DCLK3: variants seen among roughly 807,000 people sequenced by gnomAD.
DCLK3 encodes serine/threonine-protein kinase DCLK3.
DCLK3 carries 30 observed loss-of-function variants against 46.4 expected under a neutral mutation model. That is an observed-to-expected ratio of 0.65 (90% CI 0.48 to 0.88). The LOEUF is 0.88. DCLK3 is among the 40% of genes least tolerant of loss of function. The pLI is 0.00. For synonymous variants in DCLK3, 401 were observed against 339.2 expected (o/e 1.18, Z -2.00); for missense variants, 846 against 907.1 (o/e 0.93, Z 0.87).
intron 2 of DCLK3, among the ~76,000 whole-genome samples, chr3:36,731,875 G>T (rs572003113): frequency 5.3e-5 from 8 of 152,248 alleles, no homozygotes; most frequent in African/African-American, 1.9e-4. Context: ...GAGGGTTTCT[G>T]TTGCAATTAG....
In DCLK3 at chr3:36,738,121, G is replaced by A. The variant is rs2125530805; in HGVS notation, c.1046C>T (p.Thr349Ile). 5 of 1,613,834 alleles carry A rather than the reference G, an allele frequency of 3.1e-6. No individual in the cohort carries two copies. The highest frequency in any genetic ancestry group is 4.5e-5 in the East Asian group (2 of 44,876). The change falls in exon 2 of 5, where the codon ACC becomes ATC. Residue 349 changes from threonine to isoleucine, a missense_variant. Physicochemically the swap from Thr to Ile is moderately conservative, Grantham distance 89. This residue lies in a region of DCLK3 where 553 missense variants were observed against 543.0 expected (regional missense o/e 1.02). Coordinates refer to ENST00000636136, the MANE Select transcript of DCLK3 (RefSeq NM_001394672.2). ...CTCGGGAGACCTCCTGCAGCTTCTG[G>A]TCCTCACCAGCTTCTCCACATCATA... ...PMYDVEKLVR[T>I]RSCRRSPEAN...
Position 36,712,880 on chromosome 3 carries a change from A to G in DCLK3, c.*2448T>C, listed in dbSNP as rs1700927370. 1 of 152,200 alleles carries G rather than the reference A, an allele frequency of 6.6e-6. No individual in the cohort carries two copies. The highest frequency in any genetic ancestry group is 1.5e-5 in the Non-Finnish European group (1 of 68,038). The allele number at this position is 152,200 out of a possible 1,614,324, so 9.4% of individuals were successfully genotyped here. A position where few individuals can be genotyped will look rare whatever the true frequency, so the allele number is the denominator to read the frequency against. On this transcript the variant is annotated 3_prime_UTR_variant, in exon 5 of 5. Transcript: ENST00000636136. ...ATGTTTCCACTTTGGGGCTACTACA[A>G]ATAAAGCACCTATAAATATTGTGAA... is the stretch of plus-strand genomic sequence containing the variant.
In DCLK3 at chr3:36,715,368, A is replaced by C; in HGVS notation, c.2414T>G (p.Phe805Cys). The C allele has an allele frequency of 6.2e-7, 1 of 1,614,126 alleles. No homozygotes were observed. The change falls in exon 5 of 5, where the codon TTC (phenylalanine) becomes TGC (cysteine). Residue 805 changes from phenylalanine (F) to cysteine (C), a missense_variant. By Grantham distance (205) the Phe-to-Cys change is radical (BLOSUM62 -2). Transcript: ENST00000636136. ...KQVSPSSEGHFRSQHKRVVEQ... is the reference protein window; with the variant it reads ...KQVSPSSEGHCRSQHKRVVEQ... ...CACAACCCTCTTGTGCTGGCTCCGG[A>C]AGTGACCCTCGCTGCTGGGGGACAC...
In DCLK3 at chr3:36,728,473, G is replaced by A. The variant is rs990392992; in HGVS notation, c.1960-6814C>T. On this transcript the variant is annotated intron_variant, in intron 2 of 4. Coordinates refer to ENST00000636136, the MANE Select transcript of DCLK3 (RefSeq NM_001394672.2). ...CAATATGGATGAGCAGCATCCAGCC[G>A]GCTGGGGGCTTGGATAGAACGAAAG... 3.3e-5 allele frequency among the ~76,000 whole-genome samples: 5 copies of A among 152,288 alleles called. 1 individual carries two copies. In the South Asian group the frequency reaches 8.3e-4, roughly 25 times the overall value.
intron 1 of DCLK3, among the ~76,000 whole-genome samples, chr3:36,759,390 C>A (rs1335276486): frequency 1.3e-5 from 2 of 152,202 alleles, no homozygotes; most frequent in Non-Finnish European, 2.9e-5. Context: ...TCTTCCTGCA[C>A]TGGTGACTAC....
rs769774395 is a variant in DCLK3 at position 36,715,302 on chromosome 3, G to A, written c.*26C>T. The stretch of plus-strand genomic sequence containing the variant: ...TTCTCTGTCCTTGAGCAGAACTGGG[G>A]GCTGGACAGATTCCCAAGGTGGTGA... On this transcript the variant is annotated 3_prime_UTR_variant, in exon 5 of 5. Coordinates refer to ENST00000636136, the MANE Select transcript of DCLK3 (RefSeq NM_001394672.2). The A allele has an allele frequency of 7.4e-6, 12 of 1,613,226 alleles. No homozygotes were observed. The highest frequency in any genetic ancestry group is 6.7e-5 in the East Asian group (3 of 44,832).
intron 3 of DCLK3, among the ~76,000 whole-genome samples, chr3:36,718,528 G>A (rs1029819127): frequency 1.3e-5 from 2 of 152,244 alleles, no homozygotes; most frequent in African/African-American, 4.8e-5. Flanking sequence ...ACATCTTGTT[G>A]AACAGCACAT....
intron 1 of DCLK3, among the ~76,000 whole-genome samples, chr3:36,762,269 T>C (rs967225407): frequency 2.4e-4 from 37 of 152,216 alleles, no homozygotes; most frequent in Admixed American, 1.6e-3. Flanking sequence ...ATGTTAGTCA[T>C]GTTTGGATAA....
At chr3:36,722,550 C>T (rs914733259) in intron 2 of DCLK3, among the ~76,000 whole-genome samples, 3 of 152,178 alleles carry the variant, frequency 2.0e-5, no homozygotes, top group South Asian at 2.1e-4. Context: ...CAAATCTCAT[C>T]TTGAATTGTA....
At position 36,738,704 on chromosome 3, in the gene DCLK3, T is replaced by C. The variant is rs746793315; in HGVS notation, c.463A>G (p.Arg155Gly). 6 of 1,323,542 alleles carry C rather than the reference T, an allele frequency of 4.5e-6. No homozygotes were observed. Among genetic ancestry groups the C allele is most frequent in the Non-Finnish European group, 5.8e-6 (6 of 1,029,746 alleles). The allele number at this position is 1,323,542 out of a possible 1,614,324, so 82.0% of individuals were successfully genotyped here. A position where few individuals can be genotyped will look rare whatever the true frequency, so the allele number is the denominator to read the frequency against. Residue 155 changes from arginine (R) to glycine (G), a missense_variant, in exon 2 of 5, where the codon AGG becomes GGG. Physicochemically the swap from Arg to Gly is moderately radical, Grantham distance 125. Coordinates refer to ENST00000636136, the MANE Select transcript of DCLK3 (RefSeq NM_001394672.2). ...KLFNLKGREI[R>G]SVSDFFREGD... ...TCCCTGAAGAAATCAGAGACGCTCC[T>C]GATTTCCCTGCCCTTGAGGTTAAAC...
chr3:36,743,343 A>C (rs1701366343), intron 1 of DCLK3, among the ~76,000 whole-genome samples: 2 of 151,858 alleles, frequency 1.3e-5, no homozygotes, highest in African/African-American at 4.8e-5. Context: ...ATAATAAAAA[A>C]CCACTTTTGG....
At position 36,730,007 on chromosome 3, in the gene DCLK3, T is replaced by A. The variant is rs1281659838; in HGVS notation, c.1959+7201A>T. 2.0e-5 allele frequency among the ~76,000 whole-genome samples: 3 copies of A among 152,070 alleles called. No individual in the cohort carries two copies. In the East Asian group the frequency reaches 5.8e-4, roughly 29 times the overall value. ...GCCTACACAACATGGCGAAACCTCA[T>A]CTCTACAAAAAATACCAAAATATTA... is the stretch of plus-strand genomic sequence containing the variant. On this transcript the variant is annotated intron_variant, in intron 2 of 4. Coordinates refer to ENST00000636136, the MANE Select transcript of DCLK3 (RefSeq NM_001394672.2).
chr3:36,737,369 G>A lies in DCLK3; in HGVS notation c.1798C>T (p.Leu600=), dbSNP rs938211918. The change falls in exon 2 of 5, where the codon CTG becomes TTG. Residue 600 remains leucine (L), a synonymous_variant. Coordinates refer to ENST00000636136, the MANE Select transcript of DCLK3 (RefSeq NM_001394672.2). This position sits in a 1 kb window ranked among gnomAD's most constrained non-coding sequence, Gnocchi z 4.4. ...YETDMEIYLI[L]EYVQGGDLFD... Reference sequence around the variant, plus strand: ...AGGTCTCCTCCCTGCACGTACTCCAGGATCAGGTAGATTTCCATGTCTGTT... The same window carrying A: ...AGGTCTCCTCCCTGCACGTACTCCAAGATCAGGTAGATTTCCATGTCTGTT... The A allele has an allele frequency of 3.1e-6, 5 of 1,614,044 alleles. No individual in the cohort carries two copies. In the African/African-American group the frequency reaches 5.3e-5, roughly 17 times the overall value.
At chr3:36,742,333 C>T (rs1259054033) in intron 1 of DCLK3, among the ~76,000 whole-genome samples, 2 of 152,172 alleles carry the variant, frequency 1.3e-5, no homozygotes, top group Non-Finnish European at 1.5e-5. Context: ...TTTCAGCAGA[C>T]CCTACCTCAA....
chr3:36,725,243 C>T lies in DCLK3; in HGVS notation c.1960-3584G>A, dbSNP rs553516469. Reference sequence around the variant, plus strand: ...AGAAGAATAGCGTGAACCCAGGAGGCGGAGCTTGAAGTGAGCTGAGCTCGC... The same window carrying T: ...AGAAGAATAGCGTGAACCCAGGAGGTGGAGCTTGAAGTGAGCTGAGCTCGC... On this transcript the variant is annotated intron_variant, in intron 2 of 4. Coordinates refer to ENST00000636136, the MANE Select transcript of DCLK3 (RefSeq NM_001394672.2). Among the ~76,000 whole-genome samples the T allele has an allele frequency of 1.5e-4, 21 of 144,464 alleles. No individual in the cohort carries two copies. The East Asian group carries it at 2.8e-3, about 19-fold the overall frequency. The allele number at this position is 144,464 out of a possible 152,430, so 94.8% of individuals were successfully genotyped here. A position where few individuals can be genotyped will look rare whatever the true frequency, so the allele number is the denominator to read the frequency against.
Position 36,715,511 on chromosome 3 carries a change from A to G in DCLK3, c.2271T>C (p.Asp757=). 2 of 1,527,586 alleles carry G rather than the reference A, an allele frequency of 1.3e-6. No homozygotes were observed. The highest frequency in any genetic ancestry group is 1.8e-6 in the Non-Finnish European group (2 of 1,139,724). 94.6% of individuals were successfully genotyped at this position (1,527,586 alleles called of 1,614,324 possible). The change falls in exon 5 of 5, where the codon GAT becomes GAC. Residue 757 remains aspartate, a synonymous_variant. Transcript: ENST00000636136. The part of the protein sequence containing the change: ...YWDNISDAAK[D]LVSRLLVVDP... The stretch of plus-strand genomic sequence containing the variant: ...CTACCACCAGCAACCGGCTCACCAG[A>G]TCTTTAGCAGCTGTTGGAATGAGAG...
In DCLK3 at chr3:36,738,011, G is replaced by T. The variant is rs565552216; in HGVS notation, c.1156C>A (p.Pro386Thr). ...TCTTTCTTGTCCATGCTCTTGCTGG[G>T]TCTCCTCAGCTCTTGAGTGGGATTC... ...PRNPTQELRRPSKSMDKKEDR... is the reference protein window; with the variant it reads ...PRNPTQELRRTSKSMDKKEDR... Residue 386 changes from proline to threonine, a missense_variant, in exon 2 of 5, where the codon CCC becomes ACC. Physicochemically the swap from Pro to Thr is conservative, Grantham distance 38. This residue lies in a region of DCLK3 where 553 missense variants were observed against 543.0 expected (regional missense o/e 1.02). Transcript: ENST00000636136. 6.2e-7 allele frequency: 1 copy of T among 1,614,074 alleles called. No homozygotes were observed. Among genetic ancestry groups the T allele is most frequent in the East Asian group, 2.2e-5 (1 of 44,876 alleles).
At chr3:36,730,201 C>G (rs1407195223) in intron 2 of DCLK3, among the ~76,000 whole-genome samples, 1 of 78,110 alleles carries the variant, frequency 1.3e-5, no homozygotes, top group Non-Finnish European at 3.5e-5. Context: ...TATACACACA[C>G]ACACACACAC....
chr3:36,724,239 C>T (rs909452603), intron 2 of DCLK3, among the ~76,000 whole-genome samples: 1 of 152,180 alleles, frequency 6.6e-6, no homozygotes, highest in African/African-American at 2.4e-5. Context: ...AACACCTGTA[C>T]CCCGACTGTA....
Sources: gnomAD v4.1 joint callset for allele counts (sites outside exome capture counted in the v4.1 genomes callset) on GRCh38, gnomAD v4.1.1 for gene constraint, gnomAD v4.1.1 regional missense constraint, Gnocchi (gnomAD v3.1) non-coding constraint, MANE v1.5 for transcripts, NCBI Gene and HGNC (gene_info 2026-07-23, HGNC 2026-07-21) for gene names.